LPIN1: variants seen among roughly 807,000 people sequenced by gnomAD.
LPIN1 encodes lipin 1, also known as phosphatidate phosphatase LPIN1.
In LPIN1, 71 loss-of-function variants were observed where a neutral mutation model predicts 107.5. That is an observed-to-expected ratio of 0.66 (90% CI 0.55 to 0.80). The LOEUF is 0.80. LPIN1 is among the 30% of genes least tolerant of loss of function. The probability of loss-of-function intolerance (pLI) is 0.00; values close to 1 mark genes in which losing one functional copy is unlikely to be tolerated. For synonymous variants in LPIN1, 445 were observed against 452.6 expected (o/e 0.98, Z 0.21); for missense variants, 1,043 against 1,160.6 (o/e 0.90, Z 1.47).
intron 14 of LPIN1, among the ~76,000 whole-genome samples, chr2:11,797,937 C>G (rs1193755323): frequency 6.6e-6 from 1 of 152,134 alleles, no homozygotes; most frequent in Non-Finnish European, 1.5e-5. Flanking sequence ...ACTGTAATCC[C>G]CATAATCCCC....
In LPIN1 at chr2:11,707,175, A is replaced by G. The variant is rs978751214; in HGVS notation, c.82-6581A>G. Among the ~76,000 whole-genome samples the G allele has an allele frequency of 6.6e-6, 1 of 152,222 alleles. No homozygotes were observed. Among genetic ancestry groups the G allele is most frequent in the Admixed American group, 6.5e-5 (1 of 15,290 alleles). ...TAGGAAAAACAGAAAACAAAGAATA[A>G]TGATCTAACGTCAGATACTGATAAA... On this transcript the variant is annotated intron_variant, in intron 1 of 21. Transcript: ENST00000449576. The surrounding 1 kb of genome is among the most constrained non-coding windows in gnomAD (Gnocchi z 4.2).
In LPIN1 at chr2:11,746,688, T is replaced by C. The variant is rs1666981474; in HGVS notation, c.-10+17T>C. 1.0e-6 allele frequency: 1 copy of C among 982,684 alleles called. No individual in the cohort carries two copies. The allele number at this position is 982,684 out of a possible 1,614,324, so 60.9% of individuals were successfully genotyped here. ...CGCCGCTCGGTGAGTAGCCGCCGCC[T>C]CCAGCCTCCCGCTGTGGAGCAGGGG... On this transcript the variant is annotated intron_variant, in intron 1 of 20. Coordinates refer to ENST00000674199, the MANE Select transcript of LPIN1 (RefSeq NM_001349206.2).
chr2:11,682,238 C>T (rs1661757938), intron 1 of LPIN1: 1 of 152,338 alleles, frequency 6.6e-6, no homozygotes, highest in South Asian at 2.1e-4. Flanking sequence ...GACACTCTGC[C>T]ACTACACATA....
chr2:11,774,908 G>A lies in LPIN1; in HGVS notation c.722+1163G>A, dbSNP rs939420100. 1.3e-5 allele frequency among the ~76,000 whole-genome samples: 2 copies of A among 150,514 alleles called. No individual in the cohort carries two copies. Among genetic ancestry groups the A allele is most frequent in the Non-Finnish European group, 2.9e-5 (2 of 67,910 alleles). ...GAGCCTAGCCCTGTTCAATAGAAAC[G>A]TAATAACTAGCTCCATATGTAATTT... On this transcript the variant is annotated intron_variant, in intron 5 of 20. Transcript: ENST00000674199. This position sits in a 1 kb window ranked among gnomAD's most constrained non-coding sequence, Gnocchi z 4.4.
intron 1 of LPIN1, among the ~76,000 whole-genome samples, chr2:11,686,616 C>A (rs1662016761): frequency 6.6e-6 from 1 of 152,098 alleles, no homozygotes. Context: ...ATGGCCTGGG[C>A]ACCACGGGCA....
intron 1 of LPIN1, among the ~76,000 whole-genome samples, chr2:11,750,430 A>G (rs1421988600): frequency 6.6e-6 from 1 of 152,342 alleles, no homozygotes; most frequent in East Asian, 1.9e-4. Flanking sequence ...TTCTGTATTC[A>G]TTTTAACTAG....
rs775003707 is a variant in LPIN1 at position 11,815,260 on chromosome 2, C to T, written c.2402+20C>T. The T allele has an allele frequency of 6.2e-7, 1 of 1,613,374 alleles. No homozygotes were observed. The highest frequency in any genetic ancestry group is 1.3e-5 in the African/African-American group (1 of 74,918). On this transcript the variant is annotated intron_variant, in intron 18 of 20. Coordinates refer to ENST00000674199, the MANE Select transcript of LPIN1 (RefSeq NM_001349206.2). ...GCACAGGTACCAGGCCTGCTCCCTG[C>T]ACCTCCATCTGTGAGCCTGTTCAGA... is the stretch of plus-strand genomic sequence containing the variant.
intron 1 of LPIN1, among the ~76,000 whole-genome samples, chr2:11,752,260 A>G (rs1667910709): frequency 6.6e-6 from 1 of 151,942 alleles, no homozygotes; most frequent in African/African-American, 2.4e-5. Flanking sequence ...CCTACTTTTC[A>G]TGGGCCCTGG....
chr2:11,746,602 G>A (rs1015018083), upstream of LPIN1: 405 of 984,834 alleles, frequency 4.1e-4, no homozygotes, highest in Non-Finnish European at 4.8e-4. Context: ...CCCCGAAGGC[G>A]AGCTGCGCTG....
At chr2:11,792,369 T>C in intron 13 of LPIN1, 1 of 235,408 alleles carries the variant, frequency 4.2e-6, no homozygotes, top group Non-Finnish European at 8.5e-6. Context: ...TTCTTTTTCT[T>C]TTTCTCCCCT....
Position 11,808,586 on chromosome 2 carries a change from A to G in LPIN1, c.2249+3430A>G, listed in dbSNP as rs190575474. Among the ~76,000 whole-genome samples, 366 of 152,258 alleles carry G rather than the reference A, an allele frequency of 2.4e-3. 2 individuals are homozygous for G. The highest frequency in any genetic ancestry group is 8.2e-3 in the African/African-American group (340 of 41,544). On this transcript the variant is annotated intron_variant, in intron 17 of 20. Coordinates refer to ENST00000674199, the MANE Select transcript of LPIN1 (RefSeq NM_001349206.2). ...TAGTATTTGTCTAATGAAAAAGCCAATCTTCAGCTGGGCACAGTGACTAAC... is the reference window on the plus strand; with the variant it reads ...TAGTATTTGTCTAATGAAAAAGCCAGTCTTCAGCTGGGCACAGTGACTAAC...
intron 20 of LPIN1, 71 bp from the exon 21 acceptor site, chr2:11,824,556 TCTTGA>T: frequency 6.8e-7 from 1 of 1,480,762 alleles, no homozygotes. Context: ...TGTAGATCTC[TCTTGA>T]CTTCTACGTG....
At chr2:11,741,140 T>C in intron 1 of LPIN1, 1 of 414,742 alleles carries the variant, frequency 2.4e-6, no homozygotes, top group Non-Finnish European at 4.3e-6. Flanking sequence ...TGTGAAATTC[T>C]CCCTGGAAGG....
Position 11,783,814 on chromosome 2 carries a change from C to A in LPIN1, c.1265-15C>A. ...AGAAGAGTGGTTTTCTGACTTGAGC[C>A]ATTTGCCGTTTTAGATAAACGAAGC... On this transcript the variant is annotated splice_polypyrimidine_tract_variant and intron_variant, in intron 8 of 20. Transcript: ENST00000674199. The A allele has an allele frequency of 6.2e-7, 1 of 1,609,496 alleles. No individual in the cohort carries two copies. Among genetic ancestry groups the A allele is most frequent in the Non-Finnish European group, 8.5e-7 (1 of 1,175,754 alleles).
At chr2:11,679,701 G>A (rs1661607497) in intron 1 of LPIN1, among the ~76,000 whole-genome samples, 1 of 152,218 alleles carries the variant, frequency 6.6e-6, no homozygotes, top group South Asian at 2.1e-4. Flanking sequence ...GATCCACCGT[G>A]GTCTAGATTC....
chr2:11,764,522 T>C (rs1670474074), intron 1 of LPIN1, among the ~76,000 whole-genome samples: 1 of 152,206 alleles, frequency 6.6e-6, no homozygotes, highest in Admixed American at 6.5e-5. Context: ...CTTCTTTATC[T>C]CTGGTGTGGC....
intron 2 of LPIN1, among the ~76,000 whole-genome samples, chr2:11,718,075 G>A (rs1323134832): frequency 1.3e-5 from 2 of 152,190 alleles, no homozygotes; most frequent in East Asian, 3.9e-4. Context: ...CTTCCTGCTT[G>A]CTCCTAAGTC....
intron 12 of LPIN1, among the ~76,000 whole-genome samples, chr2:11,789,283 G>GTGCC (rs1675221878): frequency 6.6e-6 from 1 of 152,198 alleles, no homozygotes; most frequent in African/African-American, 2.4e-5. Flanking sequence ...GTGTGTGTGT[G>GTGCC]TGTGCCTGTG....
chr2:11,804,355 A>T, intron 15 of LPIN1, 68 bp from the exon 16 acceptor site: 1 of 1,570,404 alleles, frequency 6.4e-7, no homozygotes, highest in East Asian at 2.2e-5. Context: ...CATAGAACAG[A>T]AGCCAAATGC....
Sources: gnomAD v4.1 joint callset for allele counts (sites outside exome capture counted in the v4.1 genomes callset) on GRCh38, gnomAD v4.1.1 for gene constraint, Gnocchi (gnomAD v3.1) non-coding constraint, MANE v1.5 for transcripts, NCBI Gene and HGNC (gene_info 2026-07-23, HGNC 2026-07-21) for gene names.